The following SCAF11 variants were observed in gnomAD, a reference collection of about 807,000 sequenced individuals.
SCAF11 encodes the protein protein SCAF11.
A neutral mutation model predicts 140.5 loss-of-function variants in SCAF11; 47 were observed. The observed-to-expected ratio is 0.33, with a 90% CI of 0.26 to 0.43. The LOEUF is 0.43. Among genes scored for constraint, SCAF11 ranks in the 20% least tolerant of loss-of-function variants. SCAF11 has a pLI of 1.00. For synonymous variants in SCAF11, 557 were observed against 579.4 expected (o/e 0.96, Z 0.55); for missense variants, 1,645 against 1,705.1 (o/e 0.96, Z 0.62).
At chr12:45,944,625 C>A (rs903320159) in intron 6 of SCAF11, among the ~76,000 whole-genome samples, 5 of 152,144 alleles carry the variant, frequency 3.3e-5, no homozygotes, top group African/African-American at 1.2e-4. Context: ...ACAGAATAAA[C>A]AGCCTGAACC....
At chr12:45,941,558 C>T (rs1471153377) in intron 6 of SCAF11, among the ~76,000 whole-genome samples, 3 of 152,176 alleles carry the variant, frequency 2.0e-5, no homozygotes, top group Non-Finnish European at 4.4e-5. Flanking sequence ...ACAAACATCT[C>T]CCTATCTTCC....
In SCAF11 at chr12:45,958,287, T is replaced by C. The variant is rs527467738; in HGVS notation, c.219+3413A>G. On this transcript the variant is annotated intron_variant, in intron 3 of 14. Coordinates refer to ENST00000369367, the MANE Select transcript of SCAF11 (RefSeq NM_004719.3). ...TGTAGGAAATCATAATTGTCACTAC[T>C]ACAATGTGTGTCAAGACTTCTCTGT... Among the ~76,000 whole-genome samples the C allele has an allele frequency of 9.2e-5, 14 of 152,338 alleles. No homozygotes were observed. The South Asian group carries it at 2.9e-3, about 32-fold the overall frequency.
At chr12:45,986,332 A>T (rs1199254908) in intron 1 of SCAF11, among the ~76,000 whole-genome samples, 1 of 152,190 alleles carries the variant, frequency 6.6e-6, no homozygotes, top group Non-Finnish European at 1.5e-5. Context: ...GTAATCCAGA[A>T]ATCATCTTTC....
chr12:45,941,843 A>G (rs1565670755), intron 6 of SCAF11, among the ~76,000 whole-genome samples: 1 of 152,138 alleles, frequency 6.6e-6, no homozygotes, highest in Non-Finnish European at 1.5e-5. Flanking sequence ...CTTATTCATG[A>G]ATGTTTTTCA....
upstream of SCAF11, chr12:45,990,709 C>T (rs1249119457): frequency 1.2e-5 from 8 of 684,774 alleles, no homozygotes; most frequent in Middle Eastern, 4.8e-4. Flanking sequence ...TGCTTACTCG[C>T]TCGCTCTGGC....
In SCAF11 at chr12:45,961,875, C is replaced by T. The variant is rs1945842185; in HGVS notation, c.62-18G>A. Reference sequence around the variant, plus strand: ...TTCTTCACCTGTTAAAGTAAAACAGCCATATGTGCTTTCAAGTTCTCCAGA... The same window carrying T: ...TTCTTCACCTGTTAAAGTAAAACAGTCATATGTGCTTTCAAGTTCTCCAGA... On this transcript the variant is annotated intron_variant, in intron 2 of 14. Coordinates refer to ENST00000369367, the MANE Select transcript of SCAF11 (RefSeq NM_004719.3). 2 of 1,578,492 alleles carry T rather than the reference C, an allele frequency of 1.3e-6. No individual in the cohort carries two copies. Among genetic ancestry groups the T allele is most frequent in the South Asian group, 2.4e-5 (2 of 84,134 alleles).
upstream of SCAF11, chr12:45,992,059 C>G (rs750328709): frequency 8.5e-6 from 11 of 1,288,008 alleles, no homozygotes; most frequent in Non-Finnish European, 1.1e-5. Context: ...CCTGCATTCT[C>G]GCAGACTACG....
chr12:45,986,913 A>G (rs1240900090), intron 1 of SCAF11, among the ~76,000 whole-genome samples: 1 of 152,122 alleles, frequency 6.6e-6, no homozygotes, highest in Non-Finnish European at 1.5e-5. Context: ...TGTAAGTCCA[A>G]TTATACCTCT....
chr12:45,988,268 CTTTT>C (rs749876272), intron 1 of SCAF11, among the ~76,000 whole-genome samples: 1 of 152,156 alleles, frequency 6.6e-6, no homozygotes, highest in Non-Finnish European at 1.5e-5. Flanking sequence ...AGTTGACTTT[CTTTT>C]TATTACTTTT....
At chr12:45,946,692 G>T (rs781748248) in intron 5 of SCAF11, among the ~76,000 whole-genome samples, 4 of 152,154 alleles carry the variant, frequency 2.6e-5, no homozygotes, top group Non-Finnish European at 5.9e-5. Context: ...GATATGAGTT[G>T]TATCAAGAAT....
chr12:45,920,950 T>C lies in SCAF11; in HGVS notation c.*1098A>G, dbSNP rs912165403. ...CTGCAACGGGTAGAAGAAGATACTA[T>C]GAAAGAACATAATTTCTACAAAGTC... On this transcript the variant is annotated 3_prime_UTR_variant, in exon 15 of 15. Coordinates refer to ENST00000369367, the MANE Select transcript of SCAF11 (RefSeq NM_004719.3). 1 of 152,168 alleles carries C rather than the reference T, an allele frequency of 6.6e-6. No individual in the cohort carries two copies. Among genetic ancestry groups the C allele is most frequent in the Non-Finnish European group, 1.5e-5 (1 of 68,016 alleles). 9.4% of individuals were successfully genotyped at this position (152,168 alleles called of 1,614,324 possible). A position where few individuals can be genotyped will look rare whatever the true frequency, so the allele number is the denominator to read the frequency against.
At chr12:45,963,710 T>C (rs1945875847) in intron 2 of SCAF11, among the ~76,000 whole-genome samples, 1 of 152,104 alleles carries the variant, frequency 6.6e-6, no homozygotes, top group East Asian at 1.9e-4. Flanking sequence ...AACCTATACA[T>C]TGAGATTAGG....
intron 3 of SCAF11, 25 bp from the exon 4 acceptor site, chr12:45,951,752 T>A (rs1480512970): frequency 7.0e-7 from 1 of 1,432,994 alleles, no homozygotes. Flanking sequence ...ACAAATTATA[T>A]CTTTACAAAT....
At chr12:45,972,931 TATATATAGATATATATATAGATATATAG>T (rs1946128367) in intron 1 of SCAF11, among the ~76,000 whole-genome samples, 1 of 76,224 alleles carries the variant, frequency 1.3e-5, no homozygotes, top group Non-Finnish European at 2.5e-5. Flanking sequence ...GATATATAGA[TATATATAGATATATATATAGATATATAG>T]ATATATATAT....
In SCAF11 at chr12:45,990,533, C is replaced by G; in HGVS notation, c.-202G>C. ...GAGGCGGCGGCGAAGCAGGGAGCGA[C>G]CCAGGTTGCGCTGCTCCGCGCGGCT... On this transcript the variant is annotated 5_prime_UTR_variant, in exon 1 of 15. Transcript: ENST00000369367. 2.4e-6 allele frequency: 3 copies of G among 1,232,028 alleles called. No individual in the cohort carries two copies. The highest frequency in any genetic ancestry group is 3.0e-6 in the Non-Finnish European group (3 of 988,254). The allele number at this position is 1,232,028 out of a possible 1,614,324, so 76.3% of individuals were successfully genotyped here.
chr12:45,989,850 G>C (rs1592235348), intron 1 of SCAF11, among the ~76,000 whole-genome samples: 1 of 152,208 alleles, frequency 6.6e-6, no homozygotes. Flanking sequence ...AGCGGGCTTG[G>C]ACGCTCGCGA....
chr12:45,924,605 A>G, intron 12 of SCAF11, 123 bp downstream of exon 12: 1 of 767,730 alleles, frequency 1.3e-6, no homozygotes, highest in South Asian at 2.0e-5. Flanking sequence ...AAGGTTTACC[A>G]TAACTGAAAT....
Position 45,964,122 on chromosome 12 carries a change from A to G in SCAF11, c.46T>C (p.Tyr16His). ...GAAAAGTTACCTTCCATGTCTTCAT[A>G]CTTCTTATCTCCCATATTTAGGGTA... Reference protein sequence around the residue: ...VCTLNMGDKKYEDMEGEENGD... With the variant: ...VCTLNMGDKKHEDMEGEENGD... The change falls in exon 2 of 15, where the codon TAT becomes CAT. Residue 16 changes from tyrosine (Y) to histidine (H), a missense_variant. Coordinates refer to ENST00000369367, the MANE Select transcript of SCAF11 (RefSeq NM_004719.3). 6 of 1,527,120 alleles carry G rather than the reference A, an allele frequency of 3.9e-6. No individual in the cohort carries two copies. Among genetic ancestry groups the G allele is most frequent in the Non-Finnish European group, 5.4e-6 (6 of 1,108,928 alleles). The allele number at this position is 1,527,120 out of a possible 1,614,324, so 94.6% of individuals were successfully genotyped here. A position where few individuals can be genotyped will look rare whatever the true frequency, so the allele number is the denominator to read the frequency against.
At chr12:45,969,082 GTTAAT>G (rs1428130594) in intron 1 of SCAF11, among the ~76,000 whole-genome samples, 1 of 152,174 alleles carries the variant, frequency 6.6e-6, no homozygotes, top group Non-Finnish European at 1.5e-5. Context: ...TGAAGTTTTA[GTTAAT>G]TTAAATAGCC....
Sources: allele counts gnomAD v4.1 joint callset (sites outside exome capture counted in the v4.1 genomes callset), GRCh38; gene constraint gnomAD v4.1.1; transcripts MANE v1.5; gene names NCBI Gene and HGNC (gene_info 2026-07-23, HGNC 2026-07-21).